Variants in ADGRE3 observed in about 807,000 individuals in gnomAD.
The protein encoded by ADGRE3 is EGF-like module receptor 3.
A neutral mutation model predicts 80.1 loss-of-function variants in ADGRE3; 88 were observed. The ratio of observed to expected loss-of-function variants is 1.10; its 90% CI spans 0.93 to 1.31. The LOEUF (loss-of-function observed/expected upper bound fraction) is 1.31, where lower values mean the gene tolerates loss of function less well. Ranked by LOEUF, ADGRE3 falls within the 40% of genes most tolerant of loss-of-function variation. The probability of loss-of-function intolerance (pLI) is 0.00; values close to 1 mark genes in which losing one functional copy is unlikely to be tolerated. For missense variants in ADGRE3, 715 were observed against 776.5 expected, an observed-to-expected ratio of 0.92 and a Z score of 0.94; for synonymous variants, 281 against 294.8, an observed-to-expected ratio of 0.95 and a Z score of 0.48.
intron 11 of ADGRE3, among the ~76,000 whole-genome samples, chr19:14,634,287 A>T (rs1240020898): frequency 1.3e-5 from 2 of 152,226 alleles, no homozygotes; most frequent in Non-Finnish European, 2.9e-5. Flanking sequence ...AAAAATACTC[A>T]TAGCTCAAGG....
intron 6 of ADGRE3, among the ~76,000 whole-genome samples, chr19:14,651,694 T>C (rs993628063): frequency 6.6e-6 from 1 of 152,102 alleles, no homozygotes; most frequent in Non-Finnish European, 1.5e-5. Context: ...TAGATGATAA[T>C]GGTGGAAAAT....
At chr19:14,607,471 G>A in the ADGRE3 span, among the ~76,000 whole-genome samples, 2 of 151,768 alleles carry the variant, frequency 1.3e-5, no homozygotes, top group Non-Finnish European at 2.9e-5. Context: ...CCAAAGTGCT[G>A]GGATTACAGG....
At chr19:14,619,994 T>C (rs746119679) in intron 15 of ADGRE3, among the ~76,000 whole-genome samples, 2 of 152,166 alleles carry the variant, frequency 1.3e-5, no homozygotes, top group Non-Finnish European at 2.9e-5. Flanking sequence ...TACATCTTCC[T>C]TCCTGGTATT....
chr19:14,625,419 C>T (rs1970710536), intron 15 of ADGRE3, 73 bp downstream of exon 15: 1 of 1,018,078 alleles, frequency 9.8e-7, no homozygotes, highest in Non-Finnish European at 1.5e-6. Context: ...AAAAAAATCC[C>T]AAACTAGAGG....
intron 1 of ADGRE3, among the ~76,000 whole-genome samples, chr19:14,669,510 A>G (rs1321666490): frequency 6.6e-6 from 1 of 151,932 alleles, no homozygotes; most frequent in Non-Finnish European, 1.5e-5. Context: ...TTTTTTTGAG[A>G]CAGAGTCTCT....
chr19:14,631,407 A>G (rs1441879798), intron 13 of ADGRE3, among the ~76,000 whole-genome samples: 1 of 151,406 alleles, frequency 6.6e-6, no homozygotes, highest in Non-Finnish European at 1.5e-5. Context: ...GGATACTATT[A>G]ATAATTACAT....
chr19:14,645,643 A>G (rs1446127041), intron 8 of ADGRE3, among the ~76,000 whole-genome samples: 1 of 151,802 alleles, frequency 6.6e-6, no homozygotes, highest in Non-Finnish European at 1.5e-5. Flanking sequence ...TGGGCGACAG[A>G]GACTCCGACT....
intron 7 of ADGRE3, among the ~76,000 whole-genome samples, chr19:14,650,697 C>T (rs968649361): frequency 6.7e-6 from 1 of 149,342 alleles, no homozygotes; most frequent in African/African-American, 2.5e-5. Context: ...TCTTCCCACA[C>T]CCCCCCACAC....
downstream of ADGRE3, among the ~76,000 whole-genome samples, chr19:14,616,292 G>A (rs555865885): frequency 2.2e-4 from 34 of 152,060 alleles, no homozygotes; most frequent in African/African-American, 4.6e-4. Flanking sequence ...TTCACACCCC[G>A]TTGGTGTTTC....
chr19:14,642,002 A>G (rs997599509), intron 9 of ADGRE3, among the ~76,000 whole-genome samples: 2 of 152,186 alleles, frequency 1.3e-5, no homozygotes, highest in South Asian at 2.1e-4. Context: ...CCCTAAAAAA[A>G]GTAGAATGGC....
chr19:14,633,573 C>T (rs970124107), intron 11 of ADGRE3, among the ~76,000 whole-genome samples: 7 of 151,828 alleles, frequency 4.6e-5, no homozygotes, highest in South Asian at 2.1e-4. Context: ...GGCGTGGTGG[C>T]GGGCACCTGT....
chr19:14,639,071 T>G (rs1441773564), intron 10 of ADGRE3, among the ~76,000 whole-genome samples: 1 of 152,014 alleles, frequency 6.6e-6, no homozygotes, highest in Non-Finnish European at 1.5e-5. Context: ...CCACTAATTT[T>G]TGCAGAGACG....
At chr19:14,667,845 C>G (rs918460699) in intron 2 of ADGRE3, among the ~76,000 whole-genome samples, 4 of 152,130 alleles carry the variant, frequency 2.6e-5, no homozygotes, top group African/African-American at 9.7e-5. Context: ...AATAAATTTA[C>G]GATCTTAGCC....
At chr19:14,617,283 TTC>T (rs1277031050), downstream of ADGRE3, among the ~76,000 whole-genome samples, 2 of 151,262 alleles carry the variant, frequency 1.3e-5, no homozygotes, top group African/African-American at 2.4e-5. Context: ...TTTTCGTTCT[TTC>T]TCTTTCTCTC....
chr19:14,630,735 T>C (rs913896139), intron 13 of ADGRE3, among the ~76,000 whole-genome samples: 1 of 152,102 alleles, frequency 6.6e-6, no homozygotes, highest in Non-Finnish European at 1.5e-5. Context: ...ATCTTAATAA[T>C]TGTCCTATTT....
chr19:14,630,438 T>C (rs546441782), intron 13 of ADGRE3, among the ~76,000 whole-genome samples: 62 of 151,668 alleles, frequency 4.1e-4, no homozygotes, highest in African/African-American at 1.5e-3. Flanking sequence ...AGATGGAGTC[T>C]TGCTCTGTTG....
chr19:14,606,403 A>G, the ADGRE3 span, among the ~76,000 whole-genome samples: 28,848 of 149,834 alleles, frequency 0.19, 2,860 homozygotes, highest in Non-Finnish European at 0.22. Flanking sequence ...ATTAGGCTGG[A>G]TGTGGTAGCT....
chr19:14,622,354 C>G, intron 15 of ADGRE3: 1 of 432,442 alleles, frequency 2.3e-6, no homozygotes, highest in Non-Finnish European at 4.3e-6. Flanking sequence ...TCACATTGTG[C>G]CTTTTTGACC....
intron 10 of ADGRE3, among the ~76,000 whole-genome samples, chr19:14,639,160 G>A (rs904122466): frequency 1.2e-4 from 18 of 151,924 alleles, no homozygotes; most frequent in African/African-American, 4.1e-4. Flanking sequence ...CTAAAGTGCT[G>A]GTATTACAAG....
Sources: allele counts gnomAD v4.1 joint callset (sites outside exome capture counted in the v4.1 genomes callset), GRCh38; gene constraint gnomAD v4.1.1; transcripts MANE v1.5; gene names NCBI Gene and HGNC (gene_info 2026-07-23, HGNC 2026-07-21).